Variants in FAM135B observed in about 807,000 individuals in gnomAD.
FAM135B encodes family with sequence similarity 135 member B, also known as protein FAM135B.
Under a neutral mutation model 127.7 loss-of-function variants are expected in FAM135B, and 43 were observed. The observed-to-expected ratio is 0.34, with a 90% CI of 0.26 to 0.43. The LOEUF is 0.43. FAM135B is among the 20% of genes least tolerant of loss of function. The pLI is 1.00. For missense variants in FAM135B, 1,558 were observed against 1,725.6 expected (o/e 0.90, Z 1.72); for synonymous variants, 670 against 665.1 (o/e 1.01, Z -0.11).
At chr8:138,174,223 C>T (rs1814209907) in intron 11 of FAM135B, among the ~76,000 whole-genome samples, 2 of 152,116 alleles carry the variant, frequency 1.3e-5, no homozygotes, top group South Asian at 4.1e-4. Flanking sequence ...GTTTGAGAAA[C>T]ACAATTTAAT....
chr8:138,402,108 C>A (rs16909107), intron 1 of FAM135B, among the ~76,000 whole-genome samples: 1 of 151,992 alleles, frequency 6.6e-6, no homozygotes, highest in Non-Finnish European at 1.5e-5. Flanking sequence ...AGGGCTCTTA[C>A]GCAGAGAAAA....
intron 3 of FAM135B, among the ~76,000 whole-genome samples, chr8:138,293,520 T>C (rs182762553): frequency 6.6e-6 from 1 of 152,016 alleles, no homozygotes; most frequent in African/African-American, 2.4e-5. Context: ...AGGACTAATA[T>C]CCAGAATCTA....
chr8:138,388,350 T>C (rs1045914121), intron 1 of FAM135B, among the ~76,000 whole-genome samples: 6 of 152,154 alleles, frequency 3.9e-5, no homozygotes, highest in African/African-American at 1.4e-4. Context: ...TTGTATGAAA[T>C]GAAATATACT....
At chr8:138,228,522 G>A (rs1819654019) in intron 7 of FAM135B, among the ~76,000 whole-genome samples, 2 of 152,136 alleles carry the variant, frequency 1.3e-5, no homozygotes, top group South Asian at 4.1e-4. Flanking sequence ...AAGAATACAA[G>A]GAGATCTTTG....
chr8:138,142,845 C>T (rs116265347), intron 16 of FAM135B, 167 bp downstream of exon 16: 802 of 555,526 alleles, frequency 1.4e-3, no homozygotes, highest in African/African-American at 0.014. Flanking sequence ...TGAATGTGTA[C>T]GCCAGACCTG....
chr8:138,316,765 G>A (rs1233365368), intron 2 of FAM135B, among the ~76,000 whole-genome samples: 1 of 152,112 alleles, frequency 6.6e-6, no homozygotes, highest in Non-Finnish European at 1.5e-5. Flanking sequence ...TAGATCACGA[G>A]ATCAGGAGAT....
chr8:138,217,399 T>A (rs181630039), intron 7 of FAM135B, among the ~76,000 whole-genome samples: 18 of 151,982 alleles, frequency 1.2e-4, no homozygotes, highest in Non-Finnish European at 2.2e-4. Context: ...TAGCCTTCCA[T>A]GTGAGGCTAT....
intron 2 of FAM135B, among the ~76,000 whole-genome samples, chr8:138,344,614 C>T (rs1428118998): frequency 2.2e-5 from 3 of 135,698 alleles, no homozygotes; most frequent in Admixed American, 8.4e-5. Flanking sequence ...CTCGCTCTGT[C>T]GCCCAGGCTG....
At chr8:138,255,602 G>T (rs1822019278) in intron 5 of FAM135B, among the ~76,000 whole-genome samples, 1 of 152,178 alleles carries the variant, frequency 6.6e-6, no homozygotes, top group African/African-American at 2.4e-5. Flanking sequence ...AAGTGTCTGT[G>T]TCCTTTTCCC....
chr8:138,239,873 A>G (rs1372678032), intron 7 of FAM135B, among the ~76,000 whole-genome samples: 1 of 152,132 alleles, frequency 6.6e-6, no homozygotes, highest in Non-Finnish European at 1.5e-5. Context: ...GCTGGAAACC[A>G]TCATTCTTAG....
chr8:138,444,349 T>C (rs1268230815), intron 1 of FAM135B, among the ~76,000 whole-genome samples: 3 of 152,276 alleles, frequency 2.0e-5, no homozygotes, highest in East Asian at 3.9e-4. Flanking sequence ...AGAATATACA[T>C]TCTTCTCAGC....
At chr8:138,216,829 T>C (rs1226429294) in intron 7 of FAM135B, among the ~76,000 whole-genome samples, 1 of 152,182 alleles carries the variant, frequency 6.6e-6, no homozygotes, top group African/African-American at 2.4e-5. Context: ...GCCTAACCCA[T>C]GTTCTTGAAA....
intron 2 of FAM135B, among the ~76,000 whole-genome samples, chr8:138,338,341 A>C (rs1254798098): frequency 2.0e-5 from 3 of 151,974 alleles, no homozygotes; most frequent in Non-Finnish European, 4.4e-5. Flanking sequence ...AATGGGAGAA[A>C]ATTTTTGCAA....
chr8:138,214,604 C>A (rs1431121279), intron 7 of FAM135B, among the ~76,000 whole-genome samples: 3 of 152,090 alleles, frequency 2.0e-5, no homozygotes, highest in Admixed American at 2.0e-4. Context: ...TCAAGAAAAA[C>A]ACCATGTAAA....
At chr8:138,494,509 G>A (rs1815312582) in intron 1 of FAM135B, among the ~76,000 whole-genome samples, 1 of 152,186 alleles carries the variant, frequency 6.6e-6, no homozygotes, top group Non-Finnish European at 1.5e-5. Context: ...CCTATAGGAA[G>A]GGGCATTTGA....
intron 4 of FAM135B, among the ~76,000 whole-genome samples, chr8:138,263,150 C>T (rs927774388): frequency 2.0e-5 from 3 of 152,068 alleles, no homozygotes; most frequent in African/African-American, 7.2e-5. Flanking sequence ...TAAAAAAAAA[C>T]AAAACACTGT....
At chr8:138,417,418 G>T (rs1015554810) in intron 1 of FAM135B, among the ~76,000 whole-genome samples, 3 of 152,068 alleles carry the variant, frequency 2.0e-5, no homozygotes, top group Non-Finnish European at 4.4e-5. Flanking sequence ...TGCTTTTTTG[G>T]TGTATACTCA....
intron 1 of FAM135B, among the ~76,000 whole-genome samples, chr8:138,449,234 G>A (rs535824980): frequency 6.6e-6 from 1 of 152,134 alleles, no homozygotes; most frequent in Non-Finnish European, 1.5e-5. Context: ...ACTGTATTAA[G>A]TAGAATAAAA....
chr8:138,243,049 C>T lies in FAM135B; in HGVS notation c.562G>A (p.Gly188Ser), dbSNP rs373272642. 9 of 1,611,378 alleles carry T rather than the reference C, an allele frequency of 5.6e-6. No homozygotes were observed. Among genetic ancestry groups the T allele is most frequent in the Non-Finnish European group, 7.6e-6 (9 of 1,179,254 alleles). ...PLISFTRPGR[G>S]SWLGKGGPDT... ...GGGCCACCTTTACCAAGCCAGGAGC[C>T]TCTTCCTGGACGAGTAAAACTAAAC... Residue 188 changes from glycine to serine, a missense_variant, in exon 7 of 20, where the codon GGC becomes AGC. Around this residue, in one of 5 missense-constraint regions of FAM135B, gnomAD observed 199 missense variants for 245.7 expected, o/e 0.81. Coordinates refer to ENST00000395297, the MANE Select transcript of FAM135B (RefSeq NM_015912.4). This position sits in a 1 kb window ranked among gnomAD's most constrained non-coding sequence, Gnocchi z 7.5.
Sources: allele counts gnomAD v4.1 joint callset (sites outside exome capture counted in the v4.1 genomes callset), GRCh38; gene constraint gnomAD v4.1.1; regional missense constraint gnomAD v4.1.1; non-coding constraint Gnocchi (gnomAD v3.1); transcripts MANE v1.5; gene names NCBI Gene and HGNC (gene_info 2026-07-23, HGNC 2026-07-21).